Variants in LRRK1 observed in about 807,000 individuals in gnomAD.
LRRK1 encodes leucine rich repeat kinase 1, also known as leucine-rich repeat serine/threonine-protein kinase 1.
In LRRK1, 113 loss-of-function variants were observed where a neutral mutation model predicts 209.1. The ratio of observed to expected loss-of-function variants is 0.54; its 90% CI spans 0.46 to 0.63. The LOEUF (loss-of-function observed/expected upper bound fraction) is 0.63. LRRK1 is among the 30% of genes least tolerant of loss of function. The pLI is 0.00. For synonymous variants in LRRK1, 1,144 were observed against 1,099.7 expected, an observed-to-expected ratio of 1.04 and a Z score of -0.80; for missense variants, 2,284 against 2,632.2, an observed-to-expected ratio of 0.87 and a Z score of 2.89.
chr15:101,042,998 T>C (rs2034850010), intron 20 of LRRK1, among the ~76,000 whole-genome samples: 1 of 152,228 alleles, frequency 6.6e-6, no homozygotes, highest in Admixed American at 6.5e-5. Context: ...CTAAACCAGC[T>C]TGGTCCTCAG....
At chr15:100,924,447 T>G in intron 1 of LRRK1, 64 bp from the exon 2 acceptor site, 1 of 586,070 alleles carries the variant, frequency 1.7e-6, no homozygotes, top group Non-Finnish European at 3.1e-6. Flanking sequence ...CCCATGCAAA[T>G]ATTTGCAGGG....
chr15:101,004,460 C>A (rs564341421), intron 6 of LRRK1, among the ~76,000 whole-genome samples: 2 of 152,272 alleles, frequency 1.3e-5, no homozygotes, highest in South Asian at 4.2e-4. Flanking sequence ...CTTCAGCTCA[C>A]AAACACTGAT....
intron 2 of LRRK1, among the ~76,000 whole-genome samples, chr15:100,957,897 A>G (rs1201398987): frequency 6.6e-6 from 1 of 152,114 alleles, no homozygotes; most frequent in East Asian, 1.9e-4. Flanking sequence ...ACGGAGTCTC[A>G]CTCTGTCACC....
At chr15:100,954,214 TA>T (rs1328603378) in intron 2 of LRRK1, among the ~76,000 whole-genome samples, 1 of 152,166 alleles carries the variant, frequency 6.6e-6, no homozygotes, top group Non-Finnish European at 1.5e-5. Flanking sequence ...GTGCCCGGCC[TA>T]ACTCATGTTT....
intron 2 of LRRK1, among the ~76,000 whole-genome samples, chr15:100,961,837 A>G (rs1269663255): frequency 6.6e-6 from 1 of 152,150 alleles, no homozygotes; most frequent in Non-Finnish European, 1.5e-5. Flanking sequence ...CTAGCCTTGT[A>G]TGGGTGTTGG....
Position 101,002,161 on chromosome 15 carries a change from G to A in LRRK1, c.763-6676G>A, listed in dbSNP as rs1055360786. Among the ~76,000 whole-genome samples the A allele has an allele frequency of 3.3e-5, 5 of 152,340 alleles. No individual in the cohort carries two copies. In the East Asian group the frequency reaches 9.6e-4, roughly 29 times the overall value. Reference sequence around the variant, plus strand: ...ATATAAAAACATAAGAGATGTCATTGTGGGGCAATGCCTCATTCACTGTGA... The same window carrying A: ...ATATAAAAACATAAGAGATGTCATTATGGGGCAATGCCTCATTCACTGTGA... On this transcript the variant is annotated intron_variant, in intron 6 of 33. Transcript: ENST00000388948.
At chr15:100,950,903 A>G (rs1363126718) in intron 2 of LRRK1, among the ~76,000 whole-genome samples, 2 of 152,212 alleles carry the variant, frequency 1.3e-5, no homozygotes, top group Non-Finnish European at 2.9e-5. Flanking sequence ...GGAGATCGAG[A>G]CCATCCTGGC....
At chr15:100,998,008 C>A (rs2032500853) in intron 6 of LRRK1, among the ~76,000 whole-genome samples, 1 of 152,092 alleles carries the variant, frequency 6.6e-6, no homozygotes, top group East Asian at 1.9e-4. Flanking sequence ...GTGAAACCCC[C>A]CCGTCTCTAC....
intron 23 of LRRK1, among the ~76,000 whole-genome samples, chr15:101,050,503 T>C (rs1361122646): frequency 6.6e-6 from 1 of 151,444 alleles, no homozygotes. Flanking sequence ...CAAGCAGCTG[T>C]GGGACAGGCT....
chr15:100,951,670 G>A (rs1047215451), intron 2 of LRRK1, among the ~76,000 whole-genome samples: 5 of 152,054 alleles, frequency 3.3e-5, no homozygotes, highest in Admixed American at 1.3e-4. Flanking sequence ...TAAATAATAA[G>A]GCCGGGCATA....
chr15:100,992,831 G>A (rs772469400), intron 6 of LRRK1, among the ~76,000 whole-genome samples: 23 of 152,160 alleles, frequency 1.5e-4, no homozygotes, highest in Non-Finnish European at 2.9e-4. Context: ...ACCACACCAA[G>A]CTGATTTTTG....
At chr15:100,979,681 T>C (rs1299035232) in intron 3 of LRRK1, among the ~76,000 whole-genome samples, 1 of 152,178 alleles carries the variant, frequency 6.6e-6, no homozygotes. Flanking sequence ...ATCACTTATC[T>C]GACAAAGGAC....
chr15:101,060,131 G>T (rs1162264995), intron 29 of LRRK1, among the ~76,000 whole-genome samples: 1 of 152,152 alleles, frequency 6.6e-6, no homozygotes, highest in Admixed American at 6.5e-5. Context: ...AGGGAGGAGG[G>T]GGCTGGCTGG....
intron 20 of LRRK1, among the ~76,000 whole-genome samples, chr15:101,043,356 C>A (rs1239804886): frequency 6.6e-6 from 1 of 152,138 alleles, no homozygotes; most frequent in African/African-American, 2.4e-5. Context: ...GGGTTCCTTA[C>A]AAAATAAAAC....
rs2035462332 is a variant in LRRK1, at chr15:101,051,823, T to C, written c.3552T>C (p.Asp1184=). Residue 1184 remains aspartate (D), a synonymous_variant, in exon 24 of 34, where the codon GAT becomes GAC. Coordinates refer to ENST00000388948, the MANE Select transcript of LRRK1 (RefSeq NM_024652.6). ...QHTDPSEKSE[D]VQYFDMEDCV... is the part of the protein sequence containing the mutation. ...CGGACCCCAGTGAGAAATCAGAGGA[T>C]GTGCAGTACTTCGACATGGAAGACT... 1.9e-6 allele frequency: 3 copies of C among 1,614,104 alleles called. No homozygotes were observed. Among genetic ancestry groups the C allele is most frequent in the South Asian group, 2.2e-5 (2 of 91,080 alleles).
Position 101,026,091 on chromosome 15 carries a change from G to A in LRRK1, c.2359G>A (p.Gly787Ser), listed in dbSNP as rs367783860. 3.1e-6 allele frequency: 5 copies of A among 1,614,106 alleles called. No homozygotes were observed. Among genetic ancestry groups the A allele is most frequent in the African/African-American group, 2.7e-5 (2 of 74,944 alleles). ...YVLALCRSPS[G>S]SRATGFPDIT... is the part of the protein sequence containing the mutation. Reference sequence around the variant, plus strand: ...GCTGGCACTCTGCCGCTCCCCCTCCGGCTCCAGGGCCACAGGCTTCCCAGA... The same window carrying A: ...GCTGGCACTCTGCCGCTCCCCCTCCAGCTCCAGGGCCACAGGCTTCCCAGA... Residue 787 changes from glycine to serine, a missense_variant, in exon 17 of 34, where the codon GGC (glycine) becomes AGC (serine). By Grantham distance (56) the Gly-to-Ser change is moderately conservative. Transcript: ENST00000388948.
chr15:100,969,877 T>A lies in LRRK1; in HGVS notation c.98-3927T>A, dbSNP rs138910693. ...TCTATGGTGTATATATGTATCATAT[T>A]TTCTCTGCTTTTTTCTTCTTTTTTT... is the stretch of plus-strand genomic sequence containing the variant. On this transcript the variant is annotated intron_variant, in intron 2 of 33. Coordinates refer to ENST00000388948, the MANE Select transcript of LRRK1 (RefSeq NM_024652.6). Among the ~76,000 whole-genome samples, 885 of 137,736 alleles carry A rather than the reference T, an allele frequency of 6.4e-3. 6 individuals are homozygous for A. The highest frequency in any genetic ancestry group is 9.8e-3 in the Admixed American group (132 of 13,448). The allele number at this position is 137,736 out of a possible 152,430, so 90.4% of individuals were successfully genotyped here.
At chr15:101,038,753 G>A (rs2034605186) in intron 20 of LRRK1, among the ~76,000 whole-genome samples, 1 of 152,142 alleles carries the variant, frequency 6.6e-6, no homozygotes, top group Non-Finnish European at 1.5e-5. Flanking sequence ...CCTCTTCTCA[G>A]TGTCAGAGGC....
At chr15:101,014,106 C>T (rs2033416668) in intron 10 of LRRK1, among the ~76,000 whole-genome samples, 1 of 152,124 alleles carries the variant, frequency 6.6e-6, no homozygotes, top group Non-Finnish European at 1.5e-5. Flanking sequence ...GGAGGAGCTC[C>T]TGTAGATAGA....
Sources: allele counts gnomAD v4.1 joint callset (sites outside exome capture counted in the v4.1 genomes callset), GRCh38; gene constraint gnomAD v4.1.1; transcripts MANE v1.5; gene names NCBI Gene and HGNC (gene_info 2026-07-23, HGNC 2026-07-21).